The following C22orf31 variants were observed in gnomAD, a reference collection of about 807,000 sequenced individuals.
The protein encoded by C22orf31 is uncharacterized protein C22orf31.
Under a neutral mutation model 15.0 loss-of-function variants are expected in C22orf31, and 11 were observed. The observed-to-expected ratio is 0.73, with a 90% CI of 0.46 to 1.21. The LOEUF (loss-of-function observed/expected upper bound fraction) is 1.21. Ranked by LOEUF, C22orf31 falls within the 50% of genes most tolerant of loss-of-function variation. C22orf31 has a pLI of 0.00. For synonymous variants in C22orf31, 132 were observed against 133.3 expected (o/e 0.99, Z 0.07); for missense variants, 340 against 347.2 (o/e 0.98, Z 0.17).
At chr22:29,073,698 G>A in the C22orf31 span, among the ~76,000 whole-genome samples, 2 of 147,956 alleles carry the variant, frequency 1.4e-5, no homozygotes, top group African/African-American at 5.0e-5. This position sits in a 1 kb window ranked among gnomAD's most constrained non-coding sequence, Gnocchi z 4.4. Context: ...CTGCTCCCCG[G>A]TACCTCCTAG....
chr22:29,064,217 C>T (rs757314489), upstream of C22orf31, among the ~76,000 whole-genome samples: 1 of 152,200 alleles, frequency 6.6e-6, no homozygotes, highest in African/African-American at 2.4e-5. Flanking sequence ...GATGCCTGGC[C>T]TCTCTGTTGG....
chr22:29,072,222 G>C, the C22orf31 span, among the ~76,000 whole-genome samples: 2 of 152,072 alleles, frequency 1.3e-5, no homozygotes, highest in Non-Finnish European at 1.5e-5. Flanking sequence ...AAGGCTCACT[G>C]CAAGCCCGAC....
chr22:29,062,657 G>C (rs774527482), upstream of C22orf31, among the ~76,000 whole-genome samples: 9 of 152,036 alleles, frequency 5.9e-5, no homozygotes, highest in Non-Finnish European at 1.2e-4. Flanking sequence ...ATCTGGCAGG[G>C]GCTCCTGGAA....
chr22:29,061,740 G>C, intron 1 of C22orf31, 50 bp downstream of exon 1: 1 of 1,378,146 alleles, frequency 7.3e-7, no homozygotes, highest in South Asian at 1.3e-5. Flanking sequence ...CATATTTAAA[G>C]AGATCTGGCT....
At chr22:29,061,516 T>C (rs1300412334) in intron 1 of C22orf31, among the ~76,000 whole-genome samples, 1 of 152,082 alleles carries the variant, frequency 6.6e-6, no homozygotes, top group Admixed American at 6.6e-5. Context: ...TCCGCCCGCC[T>C]CAGCCTCCCA....
the C22orf31 span, chr22:29,073,181 G>T: frequency 8.5e-7 from 1 of 1,179,654 alleles, no homozygotes. This position sits in a 1 kb window ranked among gnomAD's most constrained non-coding sequence, Gnocchi z 4.4. Flanking sequence ...CGGCGCTCAC[G>T]CTGGCGGCCC....
chr22:29,072,948 C>A, the C22orf31 span: 1 of 151,130 alleles, frequency 6.6e-6, no homozygotes, highest in Admixed American at 6.6e-5. Context: ...CTCCGCGGAT[C>A]CGGGCGGGCC....
In C22orf31 at chr22:29,060,745, T is replaced by A; in HGVS notation, c.102A>T (p.Ser34=). 1 of 1,613,752 alleles carries A rather than the reference T, an allele frequency of 6.2e-7. No homozygotes were observed. The stretch of plus-strand genomic sequence containing the variant: ...CCATCCAGATGTTGGTGAGAGCCGG[T>A]GAGTCCACATAGCAGTCCTGAAGCC... ...NTRLQDCYVD[S]PALTNIWMAR... Residue 34 remains serine, a synonymous_variant, in exon 2 of 3, where the codon TCA becomes TCT. Transcript: ENST00000216071.
chr22:29,073,125 CG>C, the C22orf31 span: 242 of 1,040,350 alleles, frequency 2.3e-4, no homozygotes, highest in Non-Finnish European at 2.6e-4. The surrounding 1 kb of genome is among the most constrained non-coding windows in gnomAD (Gnocchi z 4.4). Flanking sequence ...CCCGCACTGA[CG>C]GCCCATGGCG....
chr22:29,060,274 C>G, intron 2 of C22orf31, 141 bp downstream of exon 2: 1 of 755,354 alleles, frequency 1.3e-6, no homozygotes, highest in Non-Finnish European at 2.1e-6. Context: ...CTCAAGTGAT[C>G]CTCCCTGCTT....
the C22orf31 span, among the ~76,000 whole-genome samples, chr22:29,072,711 G>A: frequency 6.6e-6 from 1 of 152,218 alleles, no homozygotes; most frequent in Non-Finnish European, 1.5e-5. Context: ...AGGGGTCACT[G>A]GGAGCCCGGC....
upstream of C22orf31, among the ~76,000 whole-genome samples, chr22:29,066,487 G>A (rs201976030): frequency 9.5e-5 from 14 of 146,646 alleles, no homozygotes; most frequent in East Asian, 1.2e-3. Flanking sequence ...CCTGACTCCC[G>A]CAGATGTCCC....
Position 29,059,172 on chromosome 22 carries a change from C to G in C22orf31, c.443G>C (p.Ser148Thr), listed in dbSNP as rs574570058. 5.0e-5 allele frequency: 81 copies of G among 1,604,862 alleles called. No individual in the cohort carries two copies. Among genetic ancestry groups the G allele is most frequent in the Non-Finnish European group, 6.5e-5 (76 of 1,175,920 alleles). ...GACTGTTAGTTTTTTCTCCTTTGAA[C>G]TTTCTTTACTCTAGCCAGGAAGAAA... Reference protein sequence around the residue: ...PAGGIRESKESSKEKKLTVRQ... With the variant: ...PAGGIRESKETSKEKKLTVRQ... The change falls in exon 3 of 3, where the codon AGT (serine) becomes ACT (threonine). Residue 148 changes from serine (S) to threonine (T), a missense_variant. Physicochemically the swap from Ser to Thr is moderately conservative, Grantham distance 58. Transcript: ENST00000216071.
chr22:29,072,599 A>G, the C22orf31 span, among the ~76,000 whole-genome samples: 1 of 152,190 alleles, frequency 6.6e-6, no homozygotes, highest in Non-Finnish European at 1.5e-5. Flanking sequence ...TTTAACCATT[A>G]CGATGAGCTA....
chr22:29,069,174 G>A, the C22orf31 span, among the ~76,000 whole-genome samples: 1 of 152,196 alleles, frequency 6.6e-6, no homozygotes, highest in East Asian at 1.9e-4. Flanking sequence ...GTTCTGGGGT[G>A]GGTGTGGGGC....
chr22:29,067,009 C>T, the C22orf31 span, among the ~76,000 whole-genome samples: 2 of 152,176 alleles, frequency 1.3e-5, no homozygotes, highest in Non-Finnish European at 2.9e-5. Context: ...GACTGCCTCT[C>T]TTGAATTTCC....
At chr22:29,059,957 C>G in intron 2 of C22orf31, 1 of 985,022 alleles carries the variant, frequency 1.0e-6, no homozygotes, top group Non-Finnish European at 1.2e-6. Context: ...TGCTACACCT[C>G]CTCCCCACAT....
chr22:29,065,300 G>A (rs1168414607), upstream of C22orf31, among the ~76,000 whole-genome samples: 1 of 152,132 alleles, frequency 6.6e-6, no homozygotes, highest in Non-Finnish European at 1.5e-5. Context: ...TATGGCCGGT[G>A]TGGTGGCTCG....
chr22:29,066,840 C>T, the C22orf31 span, among the ~76,000 whole-genome samples: 3 of 152,106 alleles, frequency 2.0e-5, no homozygotes, highest in East Asian at 3.9e-4. Flanking sequence ...GGATTACAGG[C>T]GGGAGCCACC....
Sources: allele counts gnomAD v4.1 joint callset (sites outside exome capture counted in the v4.1 genomes callset), GRCh38; gene constraint gnomAD v4.1.1; non-coding constraint Gnocchi (gnomAD v3.1); transcripts MANE v1.5; gene names NCBI Gene and HGNC (gene_info 2026-07-23, HGNC 2026-07-21).